The following CPM variants were observed in gnomAD, a reference collection of about 807,000 sequenced individuals.
The protein encoded by CPM is carboxypeptidase M, also known as renal carboxypeptidase.
A neutral mutation model predicts 46.4 loss-of-function variants in CPM; 35 were observed. The ratio of observed to expected loss-of-function variants is 0.75; its 90% CI spans 0.58 to 1.00. The LOEUF (loss-of-function observed/expected upper bound fraction) is 1.00, where lower values mean the gene tolerates loss of function less well. CPM is among the 50% of genes least tolerant of loss of function. CPM has a pLI of 0.00. For missense variants in CPM, 422 were observed against 530.4 expected, an observed-to-expected ratio of 0.80 and a Z score of 2.01; for synonymous variants, 195 against 195.3, an observed-to-expected ratio of 1.00 and a Z score of 0.01.
At chr12:68,869,154 T>A (rs537580475) in intron 6 of CPM, among the ~76,000 whole-genome samples, 171 bp downstream of exon 6, 8 of 152,210 alleles carry the variant, frequency 5.3e-5, no homozygotes, top group Non-Finnish European at 1.2e-4. Flanking sequence ...TGTCTGAGCA[T>A]CTCTCAAACA....
intron 1 of CPM, among the ~76,000 whole-genome samples, chr12:68,948,869 A>G (rs894656344): frequency 6.6e-6 from 1 of 152,154 alleles, no homozygotes; most frequent in Non-Finnish European, 1.5e-5. Flanking sequence ...GCTAAATATG[A>G]TGCTCTAACC....
At chr12:68,952,918 A>C (rs1170806573) in intron 1 of CPM, among the ~76,000 whole-genome samples, 1 of 152,202 alleles carries the variant, frequency 6.6e-6, no homozygotes, top group Admixed American at 6.5e-5. Context: ...TCTGGAGAAC[A>C]TGAGGCTTGA....
Position 68,854,846 on chromosome 12 carries a change from A to C in CPM, c.*1591T>G, listed in dbSNP as rs1884886051. 2 of 152,124 alleles carry C rather than the reference A, an allele frequency of 1.3e-5. No homozygotes were observed. Among genetic ancestry groups the C allele is most frequent in the Middle Eastern group, 3.4e-3 (1 of 296 alleles). 9.4% of individuals were successfully genotyped at this position (152,124 alleles called of 1,614,324 possible). ...TAGAGAGCAGAGAGCAGAATTCATC[A>C]ATATTTATCAGCACCAATTTTTTTT... is the stretch of plus-strand genomic sequence containing the variant. On this transcript the variant is annotated 3_prime_UTR_variant, in exon 9 of 9. Transcript: ENST00000551568.
At chr12:68,867,168 C>T in intron 6 of CPM, 120 bp from the exon 7 acceptor site, 2 of 984,750 alleles carry the variant, frequency 2.0e-6, no homozygotes, top group Non-Finnish European at 1.6e-6. Context: ...ATGAATTTGA[C>T]ATATTAGCTT....
chr12:68,843,330 G>GT (rs1253754237), intron 5 of CPM: 1 of 230,278 alleles, frequency 4.3e-6, no homozygotes, highest in Non-Finnish European at 8.6e-6. Flanking sequence ...GGTGACTATA[G>GT]TTAATGTATT....
intron 6 of CPM, among the ~76,000 whole-genome samples, chr12:68,869,029 A>G (rs961164668): frequency 6.6e-6 from 1 of 152,146 alleles, no homozygotes; most frequent in East Asian, 1.9e-4. Flanking sequence ...TGTCTCCCCT[A>G]TTCAACTCCA....
chr12:68,946,111 C>T (rs528898293), intron 1 of CPM, among the ~76,000 whole-genome samples: 14 of 152,168 alleles, frequency 9.2e-5, no homozygotes, highest in East Asian at 7.7e-4. Flanking sequence ...CCTCCTGCCT[C>T]GGCCTCTCAA....
chr12:68,888,236 G>T (rs1317347798), intron 2 of CPM, among the ~76,000 whole-genome samples: 1 of 152,086 alleles, frequency 6.6e-6, no homozygotes, highest in Non-Finnish European at 1.5e-5. Context: ...TTACATAAAA[G>T]ATAATGTAAG....
upstream of CPM, among the ~76,000 whole-genome samples, chr12:68,938,088 A>G (rs1888700096): frequency 6.6e-6 from 1 of 152,242 alleles, no homozygotes; most frequent in Non-Finnish European, 1.5e-5. Flanking sequence ...GAATAACTAT[A>G]GTCGGGGCTA....
rs1884728117 is a variant in CPM, at chr12:68,852,236, C to T, written c.*4201G>A. On this transcript the variant is annotated 3_prime_UTR_variant, in exon 9 of 9. Coordinates refer to ENST00000551568, the MANE Select transcript of CPM (RefSeq NM_198320.5). ...ATGTAATTAAGCATCCAAATCAACA[C>T]TGTCATTTATCTGCAGGGACTTAAT... The T allele has an allele frequency of 6.6e-6, 1 of 152,240 alleles. No individual in the cohort carries two copies. Among genetic ancestry groups the T allele is most frequent in the Non-Finnish European group, 1.5e-5 (1 of 68,048 alleles). The allele number at this position is 152,240 out of a possible 1,614,324, so 9.4% of individuals were successfully genotyped here.
chr12:68,961,225 C>T (rs1889106257), intron 1 of CPM, among the ~76,000 whole-genome samples: 1 of 152,176 alleles, frequency 6.6e-6, no homozygotes, highest in Non-Finnish European at 1.5e-5. Flanking sequence ...TCTCAGCTCA[C>T]TGCAACCTCC....
chr12:68,859,107 T>C, intron 7 of CPM, 36 bp from the exon 8 acceptor site: 1 of 1,180,542 alleles, frequency 8.5e-7, no homozygotes, highest in Non-Finnish European at 1.1e-6. Flanking sequence ...ATTAATACCA[T>C]ATTTTATGGC....
At chr12:68,956,370 G>A (rs1389075569) in intron 1 of CPM, among the ~76,000 whole-genome samples, 1 of 152,206 alleles carries the variant, frequency 6.6e-6, no homozygotes, top group Non-Finnish European at 1.5e-5. Flanking sequence ...CTGCACCCAG[G>A]AGGGCAGGGA....
chr12:68,842,318 A>G (rs1883838309), exon 6 of CPM: 1 of 495,744 alleles, frequency 2.0e-6, no homozygotes, highest in African/African-American at 1.9e-5. Context: ...TGTTGCAGGC[A>G]AAGGAACGCA....
intron 6 of CPM, among the ~76,000 whole-genome samples, chr12:68,868,417 C>G (rs1177096790): frequency 6.6e-6 from 1 of 152,132 alleles, no homozygotes; most frequent in Non-Finnish European, 1.5e-5. Flanking sequence ...GGGAAGGCAC[C>G]TTTGGAAGTG....
chr12:68,867,758 C>T (rs554660851), intron 6 of CPM, among the ~76,000 whole-genome samples: 11 of 152,312 alleles, frequency 7.2e-5, no homozygotes, highest in African/African-American at 9.6e-5. Flanking sequence ...GTGAACGGCC[C>T]GGCCCCCTGT....
At chr12:68,942,979 G>A (rs1341434576) in intron 1 of CPM, among the ~76,000 whole-genome samples, 1 of 152,338 alleles carries the variant, frequency 6.6e-6, no homozygotes, top group East Asian at 1.9e-4. Context: ...ACCCCAAATA[G>A]AGTGAGTGAA....
At chr12:68,872,551 C>T (rs958291720) in intron 3 of CPM, among the ~76,000 whole-genome samples, 1 of 152,130 alleles carries the variant, frequency 6.6e-6, no homozygotes, top group African/African-American at 2.4e-5. Flanking sequence ...CTGCGCCCGG[C>T]CGCAATAATG....
At chr12:68,885,911 G>T (rs1213514609) in intron 2 of CPM, 22 bp from the exon 3 acceptor site, 3 of 1,595,310 alleles carry the variant, frequency 1.9e-6, no homozygotes, top group Non-Finnish European at 2.6e-6. Context: ...AAGAAGAAAA[G>T]ATGGAAAAGT....
Sources: gnomAD v4.1 joint callset for allele counts (sites outside exome capture counted in the v4.1 genomes callset) on GRCh38, gnomAD v4.1.1 for gene constraint, MANE v1.5 for transcripts, NCBI Gene and HGNC (gene_info 2026-07-23, HGNC 2026-07-21) for gene names.